Variants in BRD8 observed in about 807,000 individuals in gnomAD.
BRD8 encodes the protein bromodomain containing 8, also known as bromodomain-containing protein 8.
In BRD8, 67 loss-of-function variants were observed where a neutral mutation model predicts 143.1. The observed-to-expected ratio is 0.47, with a 90% CI of 0.38 to 0.57. The LOEUF is 0.57. Ranked by LOEUF, BRD8 falls within the 20% of genes least tolerant of loss-of-function variation. The pLI is 0.00. For synonymous variants in BRD8, 505 were observed against 517.1 expected (o/e 0.98, Z 0.32); for missense variants, 1,103 against 1,503.0 (o/e 0.73, Z 4.40).
intron 20 of BRD8, among the ~76,000 whole-genome samples, chr5:138,154,718 TTGACTA>T (rs1361079535): frequency 1.2e-4 from 19 of 152,184 alleles, no homozygotes; most frequent in African/African-American, 4.6e-4. Flanking sequence ...CAAGAAGACT[TTGACTA>T]TTAGACCAGG....
intron 25 of BRD8, among the ~76,000 whole-genome samples, chr5:138,143,902 A>T (rs929065376): frequency 6.6e-6 from 1 of 152,212 alleles, no homozygotes; most frequent in Non-Finnish European, 1.5e-5. Context: ...CAAATAAGGG[A>T]ATAAAAGCTG....
intron 22 of BRD8, 62 bp from the exon 23 acceptor site, chr5:138,149,859 C>T: frequency 1.3e-6 from 2 of 1,504,828 alleles, no homozygotes; most frequent in East Asian, 4.6e-5. Context: ...AGTAATTTTA[C>T]TTGCATAGAG....
intron 25 of BRD8, among the ~76,000 whole-genome samples, chr5:138,141,360 C>A (rs989201149): frequency 1.3e-5 from 2 of 152,194 alleles, no homozygotes; most frequent in Non-Finnish European, 2.9e-5. Context: ...GAACTCCTAG[C>A]CTCAGGGGAT....
intron 14 of BRD8, chr5:138,163,580 T>G: frequency 6.9e-7 from 1 of 1,448,834 alleles, no homozygotes; most frequent in Non-Finnish European, 9.1e-7. Flanking sequence ...AAAAAAAAGC[T>G]ACTTACTTAA....
At chr5:138,168,103 GGCTACACTCAA>G in intron 8 of BRD8, 25 bp from the exon 9 acceptor site, 1 of 1,582,910 alleles carries the variant, frequency 6.3e-7, no homozygotes, top group Non-Finnish European at 8.6e-7. Flanking sequence ...TAGAGGTGAA[GGCTACACTCAA>G]GCTTTCCTTC....
Position 138,177,680 on chromosome 5 carries a change from GAAA to G in BRD8, c.20-16_20-14del. The stretch of plus-strand genomic sequence containing the variant: ...AGCAGCTTGTGTTCTGGGAAAGGGA[GAAA>G]AAAAAAAAAGCCTTGGAAACAACCA... On this transcript the variant is annotated splice_polypyrimidine_tract_variant and intron_variant, in intron 1 of 26. Coordinates refer to ENST00000254900, the MANE Select transcript of BRD8 (RefSeq NM_139199.2). 5.0e-6 allele frequency: 6 copies of G among 1,201,652 alleles called. No individual in the cohort carries two copies. Among genetic ancestry groups the G allele is most frequent in the East Asian group, 2.5e-5 (1 of 39,940 alleles). The allele number at this position is 1,201,652 out of a possible 1,614,324, so 74.4% of individuals were successfully genotyped here. A position where few individuals can be genotyped will look rare whatever the true frequency, so the allele number is the denominator to read the frequency against.
At chr5:138,170,681 C>CG (rs1753792658) in intron 6 of BRD8, 151 bp downstream of exon 6, 1 of 773,858 alleles carries the variant, frequency 1.3e-6, no homozygotes, top group South Asian at 1.6e-5. Context: ...TCACTCCCCC[C>CG]TCCCAGCCAC....
In BRD8 at chr5:138,178,623, C is replaced by G. The variant is rs201418867; in HGVS notation, c.-9G>C. 151 of 1,613,664 alleles carry G rather than the reference C, an allele frequency of 9.4e-5. No individual in the cohort carries two copies. The highest frequency in any genetic ancestry group is 1.2e-4 in the Non-Finnish European group (144 of 1,179,760). ...CCCGTTCCCGTCGCCATCTTGGCCCCGAAGTCTCCAACCCTGAGGAGAGAC... is the reference window on the plus strand; with the variant it reads ...CCCGTTCCCGTCGCCATCTTGGCCCGGAAGTCTCCAACCCTGAGGAGAGAC... On this transcript the variant is annotated 5_prime_UTR_variant, in exon 1 of 27. Transcript: ENST00000254900.
chr5:138,174,273 T>C (rs1754131212), intron 2 of BRD8, among the ~76,000 whole-genome samples: 1 of 152,102 alleles, frequency 6.6e-6, no homozygotes. Context: ...TGTATATATA[T>C]TTCAAAAATA....
In BRD8 at chr5:138,172,049, T is replaced by C; in HGVS notation, c.186+16A>G. ...CCCAAAGACTGCTCTAAAAGAGCCC[T>C]TGCTTGGGAACTTACTTTTTGAGAG... is the stretch of plus-strand genomic sequence containing the variant. On this transcript the variant is annotated intron_variant, in intron 3 of 26. Transcript: ENST00000254900. 1 of 1,611,694 alleles carries C rather than the reference T, an allele frequency of 6.2e-7. No homozygotes were observed. Among genetic ancestry groups the C allele is most frequent in the Non-Finnish European group, 8.5e-7 (1 of 1,177,910 alleles).
intron 20 of BRD8, chr5:138,157,004 G>C: frequency 7.1e-7 from 1 of 1,418,312 alleles, no homozygotes; most frequent in Non-Finnish European, 9.2e-7. Flanking sequence ...TACACATTAG[G>C]ACATTAACAT....
chr5:138,170,518 A>C (rs758100211), intron 6 of BRD8, 109 bp from the exon 7 acceptor site: 16 of 1,179,136 alleles, frequency 1.4e-5, no homozygotes, highest in Non-Finnish European at 1.6e-5. Context: ...TTCTGGAAGA[A>C]AGGCCTAAAC....
At chr5:138,167,908 T>G in intron 9 of BRD8, 26 bp downstream of exon 9, 1 of 1,607,162 alleles carries the variant, frequency 6.2e-7, no homozygotes, top group Non-Finnish European at 8.5e-7. Flanking sequence ...ACCTTTGAGG[T>G]TGATAAAGGA....
chr5:138,139,935 A>T lies in BRD8; in HGVS notation c.*139T>A. 2 of 645,192 alleles carry T rather than the reference A, an allele frequency of 3.1e-6. No homozygotes were observed. The highest frequency in any genetic ancestry group is 5.4e-6 in the Non-Finnish European group (2 of 370,158). 40.0% of individuals were successfully genotyped at this position (645,192 alleles called of 1,614,324 possible). A position where few individuals can be genotyped will look rare whatever the true frequency, so the allele number is the denominator to read the frequency against. On this transcript the variant is annotated 3_prime_UTR_variant, in exon 27 of 27. Transcript: ENST00000254900. ...TATATTATGTCCACATGCATCTTTG[A>T]CTCGTTGGTTGTGAGTTAAGGTATT...
chr5:138,167,057 G>A (rs1454634149), intron 9 of BRD8: 4 of 126,700 alleles, frequency 3.2e-5, no homozygotes, highest in Non-Finnish European at 6.1e-5. Context: ...ACCAGCCTGG[G>A]CAACATAGCG....
chr5:138,176,506 G>A (rs1754347947), intron 2 of BRD8, among the ~76,000 whole-genome samples: 2 of 152,004 alleles, frequency 1.3e-5, no homozygotes, highest in South Asian at 2.1e-4. Flanking sequence ...CCTGGGAGGC[G>A]GAGGTTGCAG....
chr5:138,170,043 CCTCAT>C (rs1362972328), intron 7 of BRD8, among the ~76,000 whole-genome samples: 1 of 152,200 alleles, frequency 6.6e-6, no homozygotes, highest in Non-Finnish European at 1.5e-5. Flanking sequence ...TTAAATTTCT[CCTCAT>C]CTAATGACTG....
chr5:138,177,387 TG>T (rs1754434116), intron 2 of BRD8, 183 bp downstream of exon 2: 3 of 405,474 alleles, frequency 7.4e-6, no homozygotes, highest in Non-Finnish European at 1.4e-5. Flanking sequence ...AAAAATTAGC[TG>T]GGCGTGTCCG....
chr5:138,163,511 G>T, intron 14 of BRD8, 167 bp from the exon 15 acceptor site: 2 of 1,396,798 alleles, frequency 1.4e-6, no homozygotes, highest in African/African-American at 1.5e-5. Flanking sequence ...CAGACACTGC[G>T]TTAAGTAATT....
Sources: gnomAD v4.1 joint callset for allele counts (sites outside exome capture counted in the v4.1 genomes callset) on GRCh38, gnomAD v4.1.1 for gene constraint, MANE v1.5 for transcripts, NCBI Gene and HGNC (gene_info 2026-07-23, HGNC 2026-07-21) for gene names.